The following GSE1 variants were observed in gnomAD, a reference collection of about 807,000 sequenced individuals.
GSE1 encodes genetic suppressor element 1.
A neutral mutation model predicts 112.6 loss-of-function variants in GSE1; 32 were observed. The ratio of observed to expected loss-of-function variants is 0.28; its 90% CI spans 0.21 to 0.38. The LOEUF is 0.38. GSE1 is among the 10% of genes least tolerant of loss of function. The pLI, the probability that GSE1 is intolerant of heterozygous loss-of-function variation, is 1.00. For synonymous variants in GSE1, 1,115 were observed against 735.6 expected, an observed-to-expected ratio of 1.52 and a Z score of -8.35; for missense variants, 2,348 against 1,699.2, an observed-to-expected ratio of 1.38 and a Z score of -6.71.
chr16:85,457,631 C>G (rs546012644), intron 2 of GSE1, among the ~76,000 whole-genome samples: 2 of 152,228 alleles, frequency 1.3e-5, no homozygotes, highest in Non-Finnish European at 2.9e-5. Context: ...CACCCCCTGC[C>G]TCGTTGGGTG....
chr16:85,515,782 C>T (rs573105559), intron 2 of GSE1, among the ~76,000 whole-genome samples: 21 of 152,174 alleles, frequency 1.4e-4, no homozygotes, highest in Admixed American at 9.2e-4. Flanking sequence ...CAGTGGCCCC[C>T]AGCACATGTG....
At chr16:85,269,769 G>C (rs1281871560) in intron 1 of GSE1, among the ~76,000 whole-genome samples, 1 of 149,384 alleles carries the variant, frequency 6.7e-6, no homozygotes, top group Non-Finnish European at 1.5e-5. Context: ...CAGCAGGTCT[G>C]CTGGGGTCTC....
chr16:85,626,326 G>A (rs1230678948), intron 1 of GSE1, among the ~76,000 whole-genome samples: 4 of 152,212 alleles, frequency 2.6e-5, no homozygotes, highest in African/African-American at 4.8e-5. Context: ...AGGCTCCTGC[G>A]ATCACGTGGT....
intron 1 of GSE1, among the ~76,000 whole-genome samples, chr16:85,309,611 C>T (rs1597360078): frequency 6.6e-6 from 1 of 152,262 alleles, no homozygotes; most frequent in South Asian, 2.1e-4. Context: ...TGGCCCACCC[C>T]CCGGATCTGG....
chr16:85,277,281 G>T (rs748443748), intron 1 of GSE1, among the ~76,000 whole-genome samples: 1 of 152,158 alleles, frequency 6.6e-6, no homozygotes, highest in African/African-American at 2.4e-5. Context: ...CTCCAGACGG[G>T]CCCAGGCTGG....
At chr16:85,410,270 G>A (rs150706980) in intron 2 of GSE1, among the ~76,000 whole-genome samples, 2,412 of 22,520 alleles carry the variant, frequency 0.11, 688 homozygotes, top group Admixed American at 0.22. Context: ...CAGGCCCCCC[G>A]GATAATCCTC....
chr16:85,438,047 C>T (rs1465527523), intron 2 of GSE1, among the ~76,000 whole-genome samples: 1 of 152,118 alleles, frequency 6.6e-6, no homozygotes, highest in East Asian at 1.9e-4. Context: ...CTTCCAGGCT[C>T]ATCTGGGGGA....
At chr16:85,576,099 G>A (rs1598249994) in intron 1 of GSE1, among the ~76,000 whole-genome samples, 2 of 152,198 alleles carry the variant, frequency 1.3e-5, no homozygotes, top group African/African-American at 4.8e-5. Flanking sequence ...AGGAATACCG[G>A]TGCCCTTTGA....
intron 1 of GSE1, among the ~76,000 whole-genome samples, chr16:85,289,390 G>T (rs1319295143): frequency 6.6e-6 from 1 of 152,138 alleles, no homozygotes; most frequent in Non-Finnish European, 1.5e-5. Context: ...CAGCTCCCCT[G>T]CCCCTGACAC....
chr16:85,581,575 C>T (rs770113135), intron 1 of GSE1, among the ~76,000 whole-genome samples: 2 of 152,156 alleles, frequency 1.3e-5, no homozygotes, highest in Admixed American at 6.5e-5. Flanking sequence ...CTGGTCCTAC[C>T]GCTCTCCTCT....
chr16:85,236,013 C>G (rs147287800), intron 1 of GSE1, among the ~76,000 whole-genome samples: 1 of 150,746 alleles, frequency 6.6e-6, no homozygotes, highest in Non-Finnish European at 1.5e-5. Flanking sequence ...TGAGGCTGGG[C>G]CTGGGGCTGC....
intron 6 of GSE1, 83 bp from the exon 7 acceptor site, chr16:85,656,260 G>A: frequency 6.5e-7 from 1 of 1,540,056 alleles, no homozygotes; most frequent in Non-Finnish European, 8.8e-7. Flanking sequence ...GCTCGTTCCT[G>A]GTTATGCTTT....
At chr16:85,575,792 G>A (rs2046204485) in intron 1 of GSE1, among the ~76,000 whole-genome samples, 2 of 152,102 alleles carry the variant, frequency 1.3e-5, no homozygotes, top group Admixed American at 1.3e-4. Context: ...GCAGAAAACT[G>A]CTTAATTGTA....
chr16:85,297,027 G>C (rs2045387941), intron 1 of GSE1, among the ~76,000 whole-genome samples: 1 of 152,206 alleles, frequency 6.6e-6, no homozygotes, highest in Admixed American at 6.5e-5. Context: ...ATTGACTTAT[G>C]GGGCTTGGGA....
At chr16:85,613,154 G>T, upstream of GSE1, 1 of 1,326,932 alleles carries the variant, frequency 7.5e-7, no homozygotes, top group Non-Finnish European at 9.8e-7. Context: ...CCCGCTGGCT[G>T]AGGTCAGGGA....
At chr16:85,334,984 G>A (rs867549025) in intron 1 of GSE1, among the ~76,000 whole-genome samples, 3 of 151,954 alleles carry the variant, frequency 2.0e-5, no homozygotes, top group Admixed American at 6.6e-5. Context: ...CTCACCTCCC[G>A]CCACCCCTGG....
chr16:85,191,224 C>T (rs1413877247), intron 1 of GSE1, among the ~76,000 whole-genome samples: 1 of 152,184 alleles, frequency 6.6e-6, no homozygotes, highest in Non-Finnish European at 1.5e-5. Flanking sequence ...TGCACCACTG[C>T]ACTGCAGCCT....
intron 2 of GSE1, among the ~76,000 whole-genome samples, chr16:85,646,096 CTATG>C (rs1299095784): frequency 4.0e-5 from 5 of 125,704 alleles, no homozygotes; most frequent in Non-Finnish European, 8.1e-5. Flanking sequence ...ACCACGCTTC[CTATG>C]CATGCATTCT....
chr16:85,361,953 A>G (rs1343588830), intron 2 of GSE1, among the ~76,000 whole-genome samples: 3 of 152,210 alleles, frequency 2.0e-5, no homozygotes, highest in African/African-American at 7.2e-5. Context: ...CTCCCGGGCA[A>G]AGGCTCCTGG....
Sources: gnomAD v4.1 joint callset for allele counts (sites outside exome capture counted in the v4.1 genomes callset) on GRCh38, gnomAD v4.1.1 for gene constraint, MANE v1.5 for transcripts, NCBI Gene and HGNC (gene_info 2026-07-23, HGNC 2026-07-21) for gene names.